The following SDK1 variants were observed in gnomAD, a reference collection of about 807,000 sequenced individuals.
The protein encoded by SDK1 is protein sidekick-1.
Under a neutral mutation model 245.5 loss-of-function variants are expected in SDK1, and 157 were observed. That is an observed-to-expected ratio of 0.64 (90% CI 0.56 to 0.73). The LOEUF (loss-of-function observed/expected upper bound fraction) is 0.73. Among genes scored for constraint, SDK1 ranks in the 30% least tolerant of loss-of-function variants. The pLI is 0.00. For missense variants in SDK1, 3,583 were observed against 3,002.3 expected (o/e 1.19, Z -4.52); for synonymous variants, 1,647 against 1,278.5 (o/e 1.29, Z -6.15).
At chr7:4,168,605 C>T (rs1010258249) in intron 32 of SDK1, among the ~76,000 whole-genome samples, 5 of 152,212 alleles carry the variant, frequency 3.3e-5, no homozygotes, top group African/African-American at 1.2e-4. Context: ...GAGCTTCCCT[C>T]CTCCCCCAGA....
At chr7:3,549,175 A>C (rs951682796) in intron 1 of SDK1, among the ~76,000 whole-genome samples, 4 of 152,240 alleles carry the variant, frequency 2.6e-5, no homozygotes, top group African/African-American at 9.6e-5. Flanking sequence ...TCATGCAAAC[A>C]GTTCTTTTTG....
chr7:3,637,526 G>C (rs186233873), intron 2 of SDK1, among the ~76,000 whole-genome samples: 1 of 152,220 alleles, frequency 6.6e-6, no homozygotes, highest in African/African-American at 2.4e-5. Flanking sequence ...GTGGGCTCCG[G>C]AGTTGTAAGA....
At chr7:3,985,553 G>A (rs933350977) in intron 13 of SDK1, among the ~76,000 whole-genome samples, 3 of 152,170 alleles carry the variant, frequency 2.0e-5, no homozygotes, top group Non-Finnish European at 2.9e-5. Context: ...TCGAGAGGCC[G>A]AGGTTGGGGA....
intron 4 of SDK1, among the ~76,000 whole-genome samples, chr7:3,749,588 C>T (rs538727084): frequency 5.5e-4 from 84 of 152,244 alleles, no homozygotes; most frequent in African/African-American, 1.6e-3. Context: ...TGTGAGCCAC[C>T]GCGCCCAGCC....
At chr7:3,626,507 C>G (rs1160432563) in intron 2 of SDK1, among the ~76,000 whole-genome samples, 1 of 152,254 alleles carries the variant, frequency 6.6e-6, no homozygotes, top group Non-Finnish European at 1.5e-5. Flanking sequence ...TGCTCTTCAG[C>G]TAGTCGAATT....
At chr7:3,371,022 CT>C (rs149363570) in intron 1 of SDK1, among the ~76,000 whole-genome samples, 1 of 152,126 alleles carries the variant, frequency 6.6e-6, no homozygotes, top group Non-Finnish European at 1.5e-5. Context: ...CACTTAAAAG[CT>C]TTTTGAAACG....
rs1783892724 is a variant in SDK1, at chr7:3,986,923, C to T, written c.1995-263C>T. Among the ~76,000 whole-genome samples the T allele has an allele frequency of 2.6e-5, 4 of 152,170 alleles. No individual in the cohort carries two copies. The South Asian group carries it at 8.3e-4, about 32-fold the overall frequency. ...GCGTCCCCTCCCCCTATTTATGTGA[C>T]AGCGTCAGTACTTGTTTTGGTAGCT... On this transcript the variant is annotated intron_variant, in intron 13 of 44. Transcript: ENST00000404826.
chr7:4,268,408 C>G lies in SDK1; in HGVS notation c.*3024C>G. 3 of 1,118,056 alleles carry G rather than the reference C, an allele frequency of 2.7e-6. No homozygotes were observed. The highest frequency in any genetic ancestry group is 3.3e-6 in the Non-Finnish European group (3 of 903,486). 69.3% of individuals were successfully genotyped at this position (1,118,056 alleles called of 1,614,324 possible). A position where few individuals can be genotyped will look rare whatever the true frequency, so the allele number is the denominator to read the frequency against. Reference sequence around the variant, plus strand: ...TGGGTGAATCGGTCCAGCCCAAGCCCCTCTCCCCAGCCTCGCCTTCAGCCT... The same window carrying G: ...TGGGTGAATCGGTCCAGCCCAAGCCGCTCTCCCCAGCCTCGCCTTCAGCCT... On this transcript the variant is annotated 3_prime_UTR_variant, in exon 45 of 45. Coordinates refer to ENST00000404826, the MANE Select transcript of SDK1 (RefSeq NM_152744.4).
chr7:3,492,269 A>C (rs1160197728), intron 1 of SDK1, among the ~76,000 whole-genome samples: 1 of 152,230 alleles, frequency 6.6e-6, no homozygotes, highest in Non-Finnish European at 1.5e-5. Flanking sequence ...TAATATCTTT[A>C]AGAAGCCTGA....
intron 1 of SDK1, among the ~76,000 whole-genome samples, chr7:3,372,365 A>G (rs1781249564): frequency 6.6e-6 from 1 of 152,246 alleles, no homozygotes; most frequent in Admixed American, 6.5e-5. Flanking sequence ...TACAGTTAGA[A>G]AATTAAAAAT....
intron 2 of SDK1, among the ~76,000 whole-genome samples, chr7:3,624,877 C>G (rs1055818200): frequency 1.3e-5 from 2 of 152,050 alleles, no homozygotes; most frequent in Middle Eastern, 3.4e-3. Flanking sequence ...GAAACCCCAT[C>G]TCTACTAAAA....
chr7:3,761,763 C>A (rs1189032317), intron 4 of SDK1, among the ~76,000 whole-genome samples: 1 of 151,968 alleles, frequency 6.6e-6, no homozygotes, highest in South Asian at 2.1e-4. Context: ...GTTATGAAAT[C>A]ATGCAGGACA....
intron 1 of SDK1, among the ~76,000 whole-genome samples, chr7:3,318,197 A>G (rs570253894): frequency 7.2e-4 from 110 of 152,352 alleles, no homozygotes; most frequent in African/African-American, 2.4e-3. Context: ...ATTAGCACAC[A>G]TGGGTATACC....
Position 4,221,274 on chromosome 7 carries a change from A to G in SDK1, c.5737A>G (p.Lys1913Glu), listed in dbSNP as rs965883551. 2 of 1,613,712 alleles carry G rather than the reference A, an allele frequency of 1.2e-6. No individual in the cohort carries two copies. Among genetic ancestry groups the G allele is most frequent in the African/African-American group, 2.7e-5 (2 of 74,906 alleles). ...PGSPRDVLVT[K>E]SASELTLQWT... ...CTCGCCTAGAGATGTCCTGGTCACCAAGTCCGCCTCTGAACTGACGCTGCA... is the reference window on the plus strand; with the variant it reads ...CTCGCCTAGAGATGTCCTGGTCACCGAGTCCGCCTCTGAACTGACGCTGCA... Residue 1913 changes from lysine (K) to glutamate (E), a missense_variant, in exon 40 of 45, where the codon AAG (lysine) becomes GAG (glutamate). By Grantham distance (56) the Lys-to-Glu change is moderately conservative. Transcript: ENST00000404826.
intron 26 of SDK1, among the ~76,000 whole-genome samples, chr7:4,129,184 A>T (rs1225940126): frequency 6.9e-5 from 4 of 58,132 alleles, no homozygotes; most frequent in Admixed American, 4.1e-4. Flanking sequence ...ACCTTGGGGT[A>T]GGGTGCCCTG....
chr7:3,698,306 T>A (rs2115003644), intron 4 of SDK1, among the ~76,000 whole-genome samples: 1 of 152,304 alleles, frequency 6.6e-6, no homozygotes, highest in Non-Finnish European at 1.5e-5. Context: ...AGGATGGGTG[T>A]GGGGCCAAGG....
chr7:3,610,265 A>C (rs993976243), intron 1 of SDK1, among the ~76,000 whole-genome samples: 6 of 152,252 alleles, frequency 3.9e-5, no homozygotes, highest in African/African-American at 1.4e-4. Context: ...AAGCAGGAGA[A>C]GGTAAATCAT....
intron 1 of SDK1, among the ~76,000 whole-genome samples, chr7:3,457,876 G>A (rs1780719629): frequency 6.6e-6 from 1 of 152,160 alleles, no homozygotes; most frequent in African/African-American, 2.4e-5. Flanking sequence ...CCTTCTGGGA[G>A]TTTCCTGAGA....
At chr7:3,318,016 A>G (rs986786153) in intron 1 of SDK1, among the ~76,000 whole-genome samples, 6 of 152,178 alleles carry the variant, frequency 3.9e-5, no homozygotes, top group African/African-American at 1.2e-4. Flanking sequence ...GCTTGAGGCT[A>G]TCACTGTTTC....
Sources: allele counts gnomAD v4.1 joint callset (sites outside exome capture counted in the v4.1 genomes callset), GRCh38; gene constraint gnomAD v4.1.1; transcripts MANE v1.5; gene names NCBI Gene and HGNC (gene_info 2026-07-23, HGNC 2026-07-21).